Variants in EDF1 observed in about 807,000 individuals in gnomAD.
The protein encoded by EDF1 is endothelial differentiation-related factor 1.
Under a neutral mutation model 20.8 loss-of-function variants are expected in EDF1, and 5 were observed. The ratio of observed to expected loss-of-function variants is 0.24; its 90% CI spans 0.13 to 0.51. The LOEUF (loss-of-function observed/expected upper bound fraction) is 0.51. EDF1 is among the 20% of genes least tolerant of loss of function. The probability of loss-of-function intolerance (pLI) is 0.97; values close to 1 mark genes in which losing one functional copy is unlikely to be tolerated. For synonymous variants in EDF1, 96 were observed against 78.5 expected (o/e 1.22, Z -1.18); for missense variants, 137 against 197.8 (o/e 0.69, Z 1.84).
Position 136,863,757 on chromosome 9 carries a change from A to G in EDF1, c.130+63T>C. The G allele has an allele frequency of 6.3e-7, 1 of 1,591,510 alleles. No individual in the cohort carries two copies. Among genetic ancestry groups the G allele is most frequent in the Non-Finnish European group, 8.6e-7 (1 of 1,160,678 alleles). ...TCCCCGGGGGCGCCGCACACACCAC[A>G]CCCACCAGCACATGGACCCCACAGC... On this transcript the variant is annotated intron_variant, in intron 2 of 4. Coordinates refer to ENST00000224073, the MANE Select transcript of EDF1 (RefSeq NM_003792.4). The surrounding 1 kb of genome is among the most constrained non-coding windows in gnomAD (Gnocchi z 4.5).
At chr9:136,864,498 C>G (rs962785835) in intron 1 of EDF1, among the ~76,000 whole-genome samples, 4 of 152,092 alleles carry the variant, frequency 2.6e-5, no homozygotes, top group Non-Finnish European at 4.4e-5. Flanking sequence ...GGCCTTCCTC[C>G]CTGAATCTGG....
In EDF1 at chr9:136,862,794, A is replaced by G; in HGVS notation, c.385+112T>C. 6.2e-7 allele frequency: 1 copy of G among 1,608,190 alleles called. No homozygotes were observed. The highest frequency in any genetic ancestry group is 8.5e-7 in the Non-Finnish European group (1 of 1,178,514). ...AGCAAAGCTCCAGAATTCAGAGAAC[A>G]GGGGACCCCCAGGGCCATCTTCTTC... On this transcript the variant is annotated intron_variant, in intron 4 of 4. Transcript: ENST00000224073. This position sits in a 1 kb window ranked among gnomAD's most constrained non-coding sequence, Gnocchi z 4.1.
At position 136,863,918 on chromosome 9, in the gene EDF1, A is replaced by G. The variant is rs138608678; in HGVS notation, c.79-47T>C. 1.2e-3 allele frequency: 1,872 copies of G among 1,603,570 alleles called. 21 individuals carry two copies. The African/African-American group carries it at 0.021, about 18-fold the overall frequency. The stretch of plus-strand genomic sequence containing the variant: ...GTGGATCAAAATTAGCTTTGACAGT[A>G]TCCAGCACACACCAATTCAGGCCTG... On this transcript the variant is annotated intron_variant, in intron 1 of 4. Transcript: ENST00000224073. The surrounding 1 kb of genome is among the most constrained non-coding windows in gnomAD (Gnocchi z 4.5).
chr9:136,865,741 A>C, intron 1 of EDF1, among the ~76,000 whole-genome samples: 1 of 142,672 alleles, frequency 7.0e-6, no homozygotes, highest in East Asian at 2.1e-4. Context: ...ATCCTCACAC[A>C]AGGCCCCCAG....
Position 136,863,052 on chromosome 9 carries a change from A to C in EDF1, c.292-53T>G, listed in dbSNP as rs1432769800. On this transcript the variant is annotated intron_variant, in intron 3 of 4. Coordinates refer to ENST00000224073, the MANE Select transcript of EDF1 (RefSeq NM_003792.4). The surrounding 1 kb of genome is among the most constrained non-coding windows in gnomAD (Gnocchi z 4.5). Reference sequence around the variant, plus strand: ...TCAGCTCCACTAGGACTGCTGCAAAACCAGGCGCGAAGCGTCGCCTGAGAA... The same window carrying C: ...TCAGCTCCACTAGGACTGCTGCAAACCCAGGCGCGAAGCGTCGCCTGAGAA... The C allele has an allele frequency of 1.9e-6, 3 of 1,607,504 alleles. No individual in the cohort carries two copies. The highest frequency in any genetic ancestry group is 2.6e-6 in the Non-Finnish European group (3 of 1,175,876).
Position 136,862,151 on chromosome 9 carries a change from G to T in EDF1, c.*133C>A. ...CAAGGTTTTGTTTGTTTGACAGCAGGAATGGGCTGGGGAGGGTCCCCCGCA... is the reference window on the plus strand; with the variant it reads ...CAAGGTTTTGTTTGTTTGACAGCAGTAATGGGCTGGGGAGGGTCCCCCGCA... On this transcript the variant is annotated 3_prime_UTR_variant, in exon 5 of 5. Coordinates refer to ENST00000224073, the MANE Select transcript of EDF1 (RefSeq NM_003792.4). This position sits in a 1 kb window ranked among gnomAD's most constrained non-coding sequence, Gnocchi z 4.1. 1 of 1,138,458 alleles carries T rather than the reference G, an allele frequency of 8.8e-7. No individual in the cohort carries two copies. Among genetic ancestry groups the T allele is most frequent in the Non-Finnish European group, 1.3e-6 (1 of 768,906 alleles). The allele number at this position is 1,138,458 out of a possible 1,614,324, so 70.5% of individuals were successfully genotyped here.
rs1849129898 is a variant in EDF1, at chr9:136,862,769, A to C, written c.385+137T>G. 6.3e-7 allele frequency: 1 copy of C among 1,596,932 alleles called. No homozygotes were observed. Among genetic ancestry groups the C allele is most frequent in the Admixed American group, 1.7e-5 (1 of 59,466 alleles). On this transcript the variant is annotated intron_variant, in intron 4 of 4. Transcript: ENST00000224073. This position sits in a 1 kb window ranked among gnomAD's most constrained non-coding sequence, Gnocchi z 4.1. ...TCCCTCAGTCTGTACTACCTGGAGA[A>C]GCAAAGCTCCAGAATTCAGAGAACA...
chr9:136,866,067 T>A, intron 1 of EDF1, 114 bp downstream of exon 1: 19 of 672,122 alleles, frequency 2.8e-5, no homozygotes, highest in Admixed American at 6.1e-5. Flanking sequence ...CCCCGTCCCC[T>A]GCGCCCTGTC....
chr9:136,866,074 T>C (rs1849219422), intron 1 of EDF1, 107 bp downstream of exon 1: 2 of 832,196 alleles, frequency 2.4e-6, no homozygotes, highest in Admixed American at 5.1e-5. Flanking sequence ...CCCTGCGCCC[T>C]GTCCCAGGCC....
In EDF1 at chr9:136,863,827, G is replaced by A; in HGVS notation, c.123C>T (p.Ser41=). Residue 41 remains serine (S), a synonymous_variant, in exon 2 of 5, where the codon TCC becomes TCT. Coordinates refer to ENST00000224073, the MANE Select transcript of EDF1 (RefSeq NM_003792.4). The surrounding 1 kb of genome is among the most constrained non-coding windows in gnomAD (Gnocchi z 4.5). ...GGAAACACAAGTACCTACATTTCTT[G>A]GAAGTCTCCACATCTTCTCCTCGTC... ...AQRRGEDVET[S]KKWAAGQNKQ... 1 of 1,613,882 alleles carries A rather than the reference G, an allele frequency of 6.2e-7. No homozygotes were observed. The highest frequency in any genetic ancestry group is 8.5e-7 in the Non-Finnish European group (1 of 1,179,966).
rs765237401 is a variant in EDF1 at position 136,862,943 on chromosome 9, G to A, written c.348C>T (p.Pro116=). 29 of 1,613,874 alleles carry A rather than the reference G, an allele frequency of 1.8e-5. No individual in the cohort carries two copies. Among genetic ancestry groups the A allele is most frequent in the Non-Finnish European group, 2.3e-5 (27 of 1,180,030 alleles). Residue 116 remains proline, a synonymous_variant, in exon 4 of 5, where the codon CCC becomes CCT. Coordinates refer to ENST00000224073, the MANE Select transcript of EDF1 (RefSeq NM_003792.4). This position sits in a 1 kb window ranked among gnomAD's most constrained non-coding sequence, Gnocchi z 4.1. ...IADYESGRAI[P]NNQVLGKIER... Reference sequence around the variant, plus strand: ...CGATTTTGCCAAGCACCTGGTTATTGGGTATGGCCCGTCCGCTCTCATAGT... The same window carrying A: ...CGATTTTGCCAAGCACCTGGTTATTAGGTATGGCCCGTCCGCTCTCATAGT...
In EDF1 at chr9:136,862,352, T is replaced by G; in HGVS notation, c.386-7A>C. The G allele has an allele frequency of 2.5e-6, 4 of 1,613,946 alleles. No individual in the cohort carries two copies. The highest frequency in any genetic ancestry group is 3.4e-6 in the Non-Finnish European group (4 of 1,179,994). On this transcript the variant is annotated splice_region_variant and splice_polypyrimidine_tract_variant and intron_variant, in intron 4 of 4. Coordinates refer to ENST00000224073, the MANE Select transcript of EDF1 (RefSeq NM_003792.4). This position sits in a 1 kb window ranked among gnomAD's most constrained non-coding sequence, Gnocchi z 4.1. ...TTTCCCCGGAGCTTGAGGCCTGAAA[T>G]GAGCCACAGCCACTGGCCACTGCAG... is the stretch of plus-strand genomic sequence containing the variant.
rs1849156055 is a variant in EDF1, at chr9:136,863,675, G to A, written c.130+145C>T. ...CCAACCAGAGCTGCTCTGGGAAGATGGCTGCCTCCCAGGGCTCCGGCCAGC... is the reference window on the plus strand; with the variant it reads ...CCAACCAGAGCTGCTCTGGGAAGATAGCTGCCTCCCAGGGCTCCGGCCAGC... On this transcript the variant is annotated intron_variant, in intron 2 of 4. Transcript: ENST00000224073. This position sits in a 1 kb window ranked among gnomAD's most constrained non-coding sequence, Gnocchi z 4.5. 3.5e-6 allele frequency: 4 copies of A among 1,139,042 alleles called. No individual in the cohort carries two copies. In the South Asian group the frequency reaches 4.2e-5, roughly 12 times the overall value. 70.6% of individuals were successfully genotyped at this position (1,139,042 alleles called of 1,614,324 possible).
rs1849130578 is a variant in EDF1 at position 136,862,793 on chromosome 9, CAG to C, written c.385+111_385+112del. The C allele has an allele frequency of 1.9e-6, 3 of 1,607,848 alleles. No individual in the cohort carries two copies. Among genetic ancestry groups the C allele is most frequent in the Non-Finnish European group, 2.5e-6 (3 of 1,178,380 alleles). ...AAGCAAAGCTCCAGAATTCAGAGAA[CAG>C]GGGACCCCCAGGGCCATCTTCTTCC... On this transcript the variant is annotated intron_variant, in intron 4 of 4. Transcript: ENST00000224073. The surrounding 1 kb of genome is among the most constrained non-coding windows in gnomAD (Gnocchi z 4.1).
At chr9:136,864,200 A>C (rs1849169140) in intron 1 of EDF1, among the ~76,000 whole-genome samples, 1 of 152,014 alleles carries the variant, frequency 6.6e-6, no homozygotes, top group African/African-American at 2.4e-5. Flanking sequence ...CTACAATCAG[A>C]TGTCTAAGAA....
intron 1 of EDF1, among the ~76,000 whole-genome samples, chr9:136,865,274 C>T (rs1849192635): frequency 6.6e-6 from 1 of 152,118 alleles, no homozygotes; most frequent in African/African-American, 2.4e-5. Context: ...TAATCTCCTT[C>T]CACAAGTACT....
chr9:136,866,142 GC>G, intron 1 of EDF1, 38 bp downstream of exon 1: 1 of 1,566,428 alleles, frequency 6.4e-7, no homozygotes, highest in Non-Finnish European at 8.6e-7. Flanking sequence ...CCCAGCGTCC[GC>G]CCCGCCCGGC....
chr9:136,863,285 C>T lies in EDF1; in HGVS notation c.291+3G>A, dbSNP rs878881409. On this transcript the variant is annotated splice_donor_region_variant and intron_variant, in intron 3 of 4. Transcript: ENST00000224073. The surrounding 1 kb of genome is among the most constrained non-coding windows in gnomAD (Gnocchi z 4.5). ...AGGAGTGAGAGCCCCGGCGCAGCCT[C>T]ACCGTGGCCAGGTCCTTCTGCGTAA... 2 of 1,611,696 alleles carry T rather than the reference C, an allele frequency of 1.2e-6. No homozygotes were observed. The highest frequency in any genetic ancestry group is 1.3e-5 in the African/African-American group (1 of 75,034).
Position 136,863,459 on chromosome 9 carries a change from T to C in EDF1, c.131-11A>G. On this transcript the variant is annotated splice_polypyrimidine_tract_variant and intron_variant, in intron 2 of 4. Transcript: ENST00000224073. The surrounding 1 kb of genome is among the most constrained non-coding windows in gnomAD (Gnocchi z 4.5). ...TCTGGCCAGCAGCCCCTGGAGTCGGTGTGAGGCAAAAGCAGAGGAGAGGAT... is the reference window on the plus strand; with the variant it reads ...TCTGGCCAGCAGCCCCTGGAGTCGGCGTGAGGCAAAAGCAGAGGAGAGGAT... 1 of 1,609,316 alleles carries C rather than the reference T, an allele frequency of 6.2e-7. No individual in the cohort carries two copies. Among genetic ancestry groups the C allele is most frequent in the Non-Finnish European group, 8.5e-7 (1 of 1,176,464 alleles).
Sources: gnomAD v4.1 joint callset for allele counts (sites outside exome capture counted in the v4.1 genomes callset) on GRCh38, gnomAD v4.1.1 for gene constraint, Gnocchi (gnomAD v3.1) non-coding constraint, MANE v1.5 for transcripts, NCBI Gene and HGNC (gene_info 2026-07-23, HGNC 2026-07-21) for gene names.